MICAL3: variants seen among roughly 807,000 people sequenced by gnomAD.
The protein encoded by MICAL3 is microtubule associated monooxygenase, calponin and LIM domain containing 3.
A neutral mutation model predicts 207.4 loss-of-function variants in MICAL3; 62 were observed. That is an observed-to-expected ratio of 0.30 (90% CI 0.24 to 0.37). MICAL3 has a LOEUF of 0.37. Among genes scored for constraint, MICAL3 ranks in the 10% least tolerant of loss-of-function variants. The pLI, the probability that MICAL3 is intolerant of heterozygous loss-of-function variation, is 1.00. For missense variants in MICAL3, 2,368 were observed against 2,635.6 expected (o/e 0.90, Z 2.22); for synonymous variants, 1,077 against 1,069.3 (o/e 1.01, Z -0.14).
intron 1 of MICAL3, among the ~76,000 whole-genome samples, chr22:17,993,859 C>A (rs1181923905): frequency 6.6e-6 from 1 of 152,044 alleles, no homozygotes; most frequent in Non-Finnish European, 1.5e-5. Context: ...CGGAGGTAAC[C>A]CCGTGGAATA....
chr22:17,823,437 T>G (rs1317665941), intron 22 of MICAL3, among the ~76,000 whole-genome samples: 1 of 152,224 alleles, frequency 6.6e-6, no homozygotes, highest in African/African-American at 2.4e-5. Flanking sequence ...GGCTGTGTGC[T>G]GACCGCCTCA....
chr22:17,802,439 C>T (rs1026643914), intron 29 of MICAL3, among the ~76,000 whole-genome samples: 2 of 152,148 alleles, frequency 1.3e-5, no homozygotes, highest in African/African-American at 2.4e-5. Flanking sequence ...ATGGGAAAAG[C>T]GTCTGTTAAT....
At chr22:17,874,139 C>T (rs1055459395) in intron 16 of MICAL3, among the ~76,000 whole-genome samples, 5 of 152,220 alleles carry the variant, frequency 3.3e-5, no homozygotes, top group Non-Finnish European at 7.3e-5. Flanking sequence ...CAGCTCAAGG[C>T]TCAGCTGAAC....
chr22:17,826,966 A>AAAATGTGCAGAATG, intron 22 of MICAL3, among the ~76,000 whole-genome samples: 1 of 152,334 alleles, frequency 6.6e-6, no homozygotes, highest in Non-Finnish European at 1.5e-5. Context: ...GCGCTGAATG[A>AAAATGTGCAGAATG]AAATGTGCAC....
chr22:17,957,708 C>CAAAAA (rs374917425), intron 1 of MICAL3, among the ~76,000 whole-genome samples: 1 of 106,322 alleles, frequency 9.4e-6, no homozygotes, highest in African/African-American at 3.6e-5. Flanking sequence ...GAAACTATGT[C>CAAAAA]AAAAAAAAAA....
intron 1 of MICAL3, among the ~76,000 whole-genome samples, chr22:17,921,720 C>T (rs952040551): frequency 6.6e-6 from 1 of 152,126 alleles, no homozygotes; most frequent in Admixed American, 6.5e-5. Context: ...AACTCTTGGC[C>T]TCAAGTGATC....
chr22:17,795,940 G>A (rs1236638770), intron 29 of MICAL3, among the ~76,000 whole-genome samples: 1 of 151,478 alleles, frequency 6.6e-6, no homozygotes, highest in Non-Finnish European at 1.5e-5. Flanking sequence ...CCTTTTAGGG[G>A]GATGTAAGAA....
chr22:17,885,833 G>T (rs760283440), intron 16 of MICAL3, 45 bp downstream of exon 16: 10 of 1,589,312 alleles, frequency 6.3e-6, no homozygotes, highest in Non-Finnish European at 8.6e-6. Context: ...CCCTTCTTGT[G>T]TGATCTGACC....
chr22:17,904,760 A>G lies in MICAL3; in HGVS notation c.344T>C (p.Ile115Thr). The G allele has an allele frequency of 2.5e-6, 4 of 1,613,966 alleles. No homozygotes were observed. The highest frequency in any genetic ancestry group is 1.1e-5 in the South Asian group (1 of 91,082). The change falls in exon 3 of 32, where the codon ATT (isoleucine) becomes ACT (threonine). Residue 115 changes from isoleucine (I) to threonine (T), a missense_variant. This residue lies in a region of MICAL3 where 400 missense variants were observed against 547.0 expected (regional missense o/e 0.73). Transcript: ENST00000441493. ...LSLLGAKVVVIEKRDAFSRNN... is the reference protein window; with the variant it reads ...LSLLGAKVVVTEKRDAFSRNN... ...GCGGGAGAAGGCATCTCGTTTCTCA[A>G]TAACAACCACCTTGGCCCCCAGTAA...
chr22:17,794,412 G>C (rs2061854734), intron 29 of MICAL3, among the ~76,000 whole-genome samples: 1 of 152,274 alleles, frequency 6.6e-6, no homozygotes, highest in Admixed American at 6.5e-5. Context: ...GGCAAAGCTG[G>C]CCTTGACAAG....
chr22:17,922,509 G>A (rs1033179471), intron 1 of MICAL3, among the ~76,000 whole-genome samples: 4 of 152,120 alleles, frequency 2.6e-5, no homozygotes, highest in Non-Finnish European at 5.9e-5. Flanking sequence ...CAACAGGACT[G>A]TTGTTTTCTG....
chr22:17,862,276 G>A lies in MICAL3; in HGVS notation c.2605+2623C>T, dbSNP rs146970736. 3.1e-4 allele frequency: 281 copies of A among 915,916 alleles called. 1 individual carries two copies. In the African/African-American group the frequency reaches 5.0e-3, roughly 16 times the overall value. The allele number at this position is 915,916 out of a possible 1,614,324, so 56.7% of individuals were successfully genotyped here. ...TCCCTTTTCTTCTTTTTTTTTTTTA[G>A]ATGGAGTCTTGCTCTGTCATCAGGC... On this transcript the variant is annotated intron_variant, in intron 19 of 31. Transcript: ENST00000441493.
chr22:17,937,952 T>G (rs1933618471), intron 1 of MICAL3, among the ~76,000 whole-genome samples: 1 of 152,208 alleles, frequency 6.6e-6, no homozygotes, highest in South Asian at 2.1e-4. Flanking sequence ...CAAGGTCAGA[T>G]GTCAAGCTCA....
At chr22:18,017,549 T>C (rs988782130) in intron 1 of MICAL3, among the ~76,000 whole-genome samples, 3 of 151,572 alleles carry the variant, frequency 2.0e-5, no homozygotes, top group Non-Finnish European at 4.4e-5. Flanking sequence ...TAATATATAA[T>C]GCAAATATTT....
chr22:17,890,114 G>T (rs1225758733), intron 12 of MICAL3, among the ~76,000 whole-genome samples: 3 of 152,086 alleles, frequency 2.0e-5, no homozygotes, highest in Non-Finnish European at 4.4e-5. Context: ...TAAGCCTCTT[G>T]CTTTTCAGAA....
intron 19 of MICAL3, among the ~76,000 whole-genome samples, chr22:17,848,380 C>T (rs1177361472): frequency 2.0e-5 from 3 of 152,222 alleles, no homozygotes; most frequent in Non-Finnish European, 4.4e-5. Context: ...GGGGATGACA[C>T]CACGTGAAGT....
At chr22:17,905,763 C>T (rs1307891192) in intron 2 of MICAL3, among the ~76,000 whole-genome samples, 1 of 152,192 alleles carries the variant, frequency 6.6e-6, no homozygotes, top group Non-Finnish European at 1.5e-5. Context: ...GGAAATGTAC[C>T]TCTCCATATC....
chr22:17,978,782 G>C (rs991265952), intron 1 of MICAL3, among the ~76,000 whole-genome samples: 13 of 151,618 alleles, frequency 8.6e-5, no homozygotes, highest in African/African-American at 3.1e-4. Context: ...GCCTCCCAAA[G>C]TGCTGGGATT....
chr22:17,849,181 TC>T (rs1309840539), intron 19 of MICAL3, among the ~76,000 whole-genome samples: 1 of 152,234 alleles, frequency 6.6e-6, no homozygotes, highest in Non-Finnish European at 1.5e-5. Flanking sequence ...ACAGGCAGGC[TC>T]TACACACGGC....
Sources: allele counts gnomAD v4.1 joint callset (sites outside exome capture counted in the v4.1 genomes callset), GRCh38; gene constraint gnomAD v4.1.1; regional missense constraint gnomAD v4.1.1; transcripts MANE v1.5; gene names NCBI Gene and HGNC (gene_info 2026-07-23, HGNC 2026-07-21).